The following CLASP1 variants were observed in gnomAD, a reference collection of about 807,000 sequenced individuals.
The protein encoded by CLASP1 is cytoplasmic linker associated protein 1, also known as CLIP-associating protein 1.
A neutral mutation model predicts 192.3 loss-of-function variants in CLASP1; 38 were observed. The observed-to-expected ratio is 0.20, with a 90% confidence interval of 0.15 to 0.26. The LOEUF (loss-of-function observed/expected upper bound fraction) is 0.26, where lower values mean the gene tolerates loss of function less well. CLASP1 is among the 10% of genes least tolerant of loss of function. The pLI is 1.00. For synonymous variants in CLASP1, 691 were observed against 712.8 expected (o/e 0.97, Z 0.49); for missense variants, 1,433 against 1,932.5 (o/e 0.74, Z 4.85).
intron 1 of CLASP1, among the ~76,000 whole-genome samples, chr2:121,632,619 G>A (rs892641991): frequency 6.6e-6 from 1 of 152,216 alleles, no homozygotes; most frequent in Non-Finnish European, 1.5e-5. Context: ...AAAATGCGCT[G>A]GACGCGGTGG....
At chr2:121,352,042 G>A (rs537136346) in intron 37 of CLASP1, among the ~76,000 whole-genome samples, 2 of 152,346 alleles carry the variant, frequency 1.3e-5, no homozygotes, top group African/African-American at 4.8e-5. Context: ...TGAGGGCAGA[G>A]TGAGGGTAGT....
intron 8 of CLASP1, among the ~76,000 whole-genome samples, chr2:121,500,400 A>AAAG (rs1559450292): frequency 4.3e-4 from 59 of 135,686 alleles, no homozygotes; most frequent in African/African-American, 1.5e-3. Flanking sequence ...AAGAAAGAAA[A>AAAG]GAAAGAAAGA....
intron 32 of CLASP1, 106 bp downstream of exon 33, chr2:121,387,016 A>C: frequency 1.1e-6 from 1 of 924,512 alleles, no homozygotes; most frequent in Non-Finnish European, 1.7e-6. Context: ...GATACTCAAT[A>C]TTCTTTTTGT....
intron 9 of CLASP1, 131 bp from the exon 10 acceptor site, chr2:121,462,736 T>C: frequency 1.6e-6 from 1 of 623,734 alleles, no homozygotes; most frequent in South Asian, 2.0e-5. Flanking sequence ...AAAGGCTTCA[T>C]ATAACTTTGA....
At position 121,510,670 on chromosome 2, in the gene CLASP1, C is replaced by T. The variant is rs574394158; in HGVS notation, c.644+4995G>A. Among the ~76,000 whole-genome samples, 9 of 151,852 alleles carry T rather than the reference C, an allele frequency of 5.9e-5. 1 individual carries two copies. The South Asian group carries it at 1.0e-3, about 18-fold the overall frequency. ...GAAATTACCCGCGCATGGTAGCATG[C>T]GCCTGTAGTCCCAGCTACTTGGGAG... On this transcript the variant is annotated intron_variant, in intron 7 of 39. Transcript: ENST00000263710.
Position 121,572,615 on chromosome 2 carries a change from C to T in CLASP1, c.195+33086G>A, listed in dbSNP as rs1019597592. On this transcript the variant is annotated intron_variant, in intron 2 of 39. Coordinates refer to ENST00000263710, the Ensembl canonical transcript of CLASP1. ...AACATAAAGAGTTAAAAGTTAGGAC[C>T]GAGGGCAGTGGCTCACGCACCTGTA... Among the ~76,000 whole-genome samples the T allele has an allele frequency of 4.0e-5, 6 of 151,788 alleles. No homozygotes were observed. The South Asian group carries it at 6.2e-4, about 16-fold the overall frequency.
intron 2 of CLASP1, among the ~76,000 whole-genome samples, chr2:121,537,190 G>C (rs2095107572): frequency 6.6e-6 from 1 of 152,092 alleles, no homozygotes; most frequent in Non-Finnish European, 1.5e-5. Context: ...CCAGGAGTTT[G>C]AGACTAGCCT....
rs572555744 is a variant in CLASP1 at position 121,367,978 on chromosome 2, A to C, written c.3643-147T>G. 42 of 1,022,352 alleles carry C rather than the reference A, an allele frequency of 4.1e-5. No individual in the cohort carries two copies. In the South Asian group the frequency reaches 6.6e-4, roughly 16 times the overall value. 63.3% of individuals were successfully genotyped at this position (1,022,352 alleles called of 1,614,324 possible). ...GGACAGCTACTAGTACTGCAATGTA[A>C]AAATACCAAATCCGTAAACTACCAT... On this transcript the variant is annotated intron_variant, in intron 34 of 39. Transcript: ENST00000263710.
chr2:121,499,926 C>A (rs1458984197), intron 8 of CLASP1, among the ~76,000 whole-genome samples: 1 of 152,122 alleles, frequency 6.6e-6, no homozygotes, highest in Admixed American at 6.5e-5. Flanking sequence ...AGGATAGGAA[C>A]CAGACGAGGA....
In CLASP1 at chr2:121,390,369, C is replaced by A. The variant is rs575190953; in HGVS notation, c.3124-2463G>T. Among the ~76,000 whole-genome samples the A allele has an allele frequency of 2.0e-4, 30 of 152,348 alleles. No individual in the cohort carries two copies. The South Asian group carries it at 5.8e-3, about 29-fold the overall frequency. On this transcript the variant is annotated intron_variant, in intron 30 of 39. Coordinates refer to ENST00000263710, the Ensembl canonical transcript of CLASP1. ...CTTCGTAAGAGGCAAGACCGTTAGG[C>A]AGCCAGATGAAAAACTCAGAGTACT...
intron 3 of CLASP1, 30 bp from the exon 4 acceptor site, chr2:121,528,810 G>T (rs1289910213): frequency 6.4e-7 from 1 of 1,556,536 alleles, no homozygotes; most frequent in Admixed American, 1.7e-5. Flanking sequence ...CTGATCAAAT[G>T]AAACCCTATT....
chr2:121,549,801 C>A (rs1019350247), intron 2 of CLASP1, among the ~76,000 whole-genome samples: 2 of 150,380 alleles, frequency 1.3e-5, no homozygotes, highest in East Asian at 3.9e-4. Context: ...GTCAGGAGAT[C>A]GAGACCATCC....
intron 1 of CLASP1, among the ~76,000 whole-genome samples, chr2:121,613,349 C>G (rs533795747): frequency 6.6e-6 from 1 of 152,306 alleles, no homozygotes; most frequent in African/African-American, 2.4e-5. Flanking sequence ...CCTAGTCATG[C>G]TCCTTTATAG....
chr2:121,559,032 T>C (rs1410256481), intron 2 of CLASP1, among the ~76,000 whole-genome samples: 1 of 152,214 alleles, frequency 6.6e-6, no homozygotes, highest in African/African-American at 2.4e-5. Flanking sequence ...AGCCATCCCC[T>C]GTCTGAATTC....
At chr2:121,444,376 G>A (rs2083937476) in intron 19 of CLASP1, among the ~76,000 whole-genome samples, 1 of 152,162 alleles carries the variant, frequency 6.6e-6, no homozygotes, top group Non-Finnish European at 1.5e-5. Context: ...GTGTGTCCGT[G>A]AGACAAATAA....
chr2:121,340,268 G>A (rs577504072), exon 40 of CLASP1: 1 of 152,452 alleles, frequency 6.6e-6, no homozygotes, highest in Admixed American at 6.5e-5. Context: ...TCGGCCTCCA[G>A]TCTGGATATG....
intron 37 of CLASP1, among the ~76,000 whole-genome samples, chr2:121,351,075 G>A (rs1019009406): frequency 2.6e-5 from 4 of 152,182 alleles, no homozygotes; most frequent in African/African-American, 9.7e-5. Context: ...TTGAGGAGCA[G>A]GCCGCACCTC....
chr2:121,564,786 GAGA>G (rs1235386317), intron 2 of CLASP1, among the ~76,000 whole-genome samples: 1 of 152,174 alleles, frequency 6.6e-6, no homozygotes, highest in Non-Finnish European at 1.5e-5. Flanking sequence ...AACACAATTT[GAGA>G]AGAAGAAAAG....
At chr2:121,527,480 C>A (rs908294363) in intron 5 of CLASP1, among the ~76,000 whole-genome samples, 1 of 152,106 alleles carries the variant, frequency 6.6e-6, no homozygotes, top group Admixed American at 6.6e-5. Flanking sequence ...TCATGGTTGC[C>A]AGGGGTCAGG....
Sources: allele counts gnomAD v4.1 joint callset (sites outside exome capture counted in the v4.1 genomes callset), GRCh38; gene constraint gnomAD v4.1.1; transcripts MANE v1.5; gene names NCBI Gene and HGNC (gene_info 2026-07-23, HGNC 2026-07-21).